Variants in MTBP observed in about 807,000 individuals in gnomAD.
MTBP encodes the protein MDM2 binding protein, also known as mdm2-binding protein.
A neutral mutation model predicts 117.0 loss-of-function variants in MTBP; 101 were observed. The observed-to-expected ratio is 0.86, with a 90% confidence interval of 0.73 to 1.02. MTBP has a LOEUF of 1.02. Ranked by LOEUF, MTBP falls within the 50% of genes least tolerant of loss-of-function variation. MTBP has a pLI of 0.00. For missense variants in MTBP, 970 were observed against 1,030.9 expected (o/e 0.94, Z 0.81); for synonymous variants, 350 against 351.5 (o/e 1.00, Z 0.05).
At chr8:120,512,370 C>T (rs1814830704) in intron 17 of MTBP, among the ~76,000 whole-genome samples, 1 of 152,004 alleles carries the variant, frequency 6.6e-6, no homozygotes. Context: ...ATCATATAAT[C>T]TTATTTAGAT....
intron 10 of MTBP, among the ~76,000 whole-genome samples, chr8:120,469,503 C>T (rs1282386095): frequency 6.6e-6 from 1 of 152,204 alleles, no homozygotes; most frequent in Non-Finnish European, 1.5e-5. Context: ...CTATACCACT[C>T]ATCTTCAAGG....
intron 4 of MTBP, among the ~76,000 whole-genome samples, chr8:120,453,188 T>A (rs1813394682): frequency 6.6e-6 from 1 of 152,054 alleles, no homozygotes. Flanking sequence ...CAGTGGCTCA[T>A]GCCTGTAATG....
At chr8:120,461,834 A>G (rs183283353) in intron 9 of MTBP, among the ~76,000 whole-genome samples, 1 of 152,300 alleles carries the variant, frequency 6.6e-6, no homozygotes, top group Admixed American at 6.5e-5. Context: ...TTTCTGCTGA[A>G]GAAGTCTGTA....
chr8:120,497,388 T>C lies in MTBP; in HGVS notation c.1448-5T>C, dbSNP rs369490214. 6.2e-7 allele frequency: 1 copy of C among 1,601,712 alleles called. No individual in the cohort carries two copies. Among genetic ancestry groups the C allele is most frequent in the African/African-American group, 1.3e-5 (1 of 74,308 alleles). ...ATAAGTCAATTGTATTGATTTGTCTTATAGAAAGACGAAAGTTGGCAAAGC... is the reference window on the plus strand; with the variant it reads ...ATAAGTCAATTGTATTGATTTGTCTCATAGAAAGACGAAAGTTGGCAAAGC... On this transcript the variant is annotated splice_polypyrimidine_tract_variant and splice_region_variant and intron_variant, in intron 13 of 21. Coordinates refer to ENST00000305949, the MANE Select transcript of MTBP (RefSeq NM_022045.5).
chr8:120,504,801 C>A (rs563871945), intron 15 of MTBP, among the ~76,000 whole-genome samples: 2 of 150,822 alleles, frequency 1.3e-5, no homozygotes, highest in Non-Finnish European at 3.0e-5. Flanking sequence ...TCTTAATATT[C>A]TATCTCTAAC....
At chr8:120,497,789 GT>G (rs1267439677) in intron 14 of MTBP, among the ~76,000 whole-genome samples, 2 of 152,102 alleles carry the variant, frequency 1.3e-5, no homozygotes, top group African/African-American at 4.8e-5. Context: ...CAGTGTAATT[GT>G]TTTTGGGCAG....
chr8:120,498,258 T>C (rs1814510021), intron 14 of MTBP, among the ~76,000 whole-genome samples: 1 of 152,200 alleles, frequency 6.6e-6, no homozygotes, highest in African/African-American at 2.4e-5. Context: ...TAGGTTATTG[T>C]GAGGATTGAA....
chr8:120,477,577 C>T (rs1372927780), intron 11 of MTBP, among the ~76,000 whole-genome samples: 1 of 152,114 alleles, frequency 6.6e-6, no homozygotes, highest in Non-Finnish European at 1.5e-5. Flanking sequence ...ACAACCCCAT[C>T]AAAAACTGGG....
At chr8:120,478,412 A>AG (rs1181637245) in intron 11 of MTBP, among the ~76,000 whole-genome samples, 1 of 152,164 alleles carries the variant, frequency 6.6e-6, no homozygotes, top group Non-Finnish European at 1.5e-5. Flanking sequence ...AGAAAAAAAA[A>AG]AACTTGGTCT....
intron 11 of MTBP, among the ~76,000 whole-genome samples, chr8:120,476,553 C>G (rs1308255784): frequency 1.3e-5 from 2 of 152,102 alleles, no homozygotes; most frequent in African/African-American, 4.8e-5. Context: ...ACAACTTCAG[C>G]AAAGTCTCAA....
Position 120,461,206 on chromosome 8 carries a change from A to AAATTATC in MTBP, c.930_936dup (p.Asp313IlefsTer13). ...TGCTTTAGAATTTGTGCAGATGATA[A>AAATTATC]AATTATCAGATCTACCCTCCTGCTA... On this transcript the variant is annotated frameshift_variant, in exon 9 of 22. Coordinates refer to ENST00000305949, the MANE Select transcript of MTBP (RefSeq NM_022045.5). LOFTEE classifies it high-confidence loss of function. The AAATTATC allele has an allele frequency of 6.2e-7, 1 of 1,606,136 alleles. No individual in the cohort carries two copies. Among genetic ancestry groups the AAATTATC allele is most frequent in the East Asian group, 2.2e-5 (1 of 44,708 alleles).
intron 10 of MTBP, among the ~76,000 whole-genome samples, chr8:120,464,806 ATTTATCT>A (rs1221633119): frequency 6.6e-6 from 1 of 152,064 alleles, no homozygotes; most frequent in African/African-American, 2.4e-5. Context: ...AAATTTTAAA[ATTTATCT>A]TTTATCATTT....
chr8:120,461,626 C>T (rs547977605), intron 9 of MTBP, among the ~76,000 whole-genome samples: 1 of 152,270 alleles, frequency 6.6e-6, no homozygotes, highest in East Asian at 1.9e-4. Context: ...CAGGACTGAT[C>T]TACTCTCACA....
intron 21 of MTBP, 68 bp from the exon 22 acceptor site, chr8:120,523,230 C>A: frequency 9.5e-7 from 1 of 1,049,420 alleles, no homozygotes; most frequent in Non-Finnish European, 1.4e-6. Context: ...GAAGTTTTTA[C>A]AATATATTTT....
intron 7 of MTBP, among the ~76,000 whole-genome samples, chr8:120,458,288 G>A (rs1158983574): frequency 1.3e-5 from 2 of 152,070 alleles, no homozygotes; most frequent in Non-Finnish European, 2.9e-5. Context: ...AGCATGTTGT[G>A]CAACACTTAG....
intron 7 of MTBP, among the ~76,000 whole-genome samples, chr8:120,458,184 T>A (rs922845529): frequency 1.3e-5 from 2 of 152,178 alleles, no homozygotes; most frequent in Non-Finnish European, 2.9e-5. Flanking sequence ...AACAGCTTTT[T>A]AGTCAAGAGG....
At chr8:120,463,836 A>T in intron 10 of MTBP, 75 bp downstream of exon 10, 1 of 1,343,984 alleles carries the variant, frequency 7.4e-7, no homozygotes, top group Non-Finnish European at 1.0e-6. Context: ...AAGAAAAGGG[A>T]ATGTAACTTA....
intron 2 of MTBP, 107 bp downstream of exon 2, chr8:120,446,620 C>G: frequency 1.4e-6 from 1 of 714,238 alleles, no homozygotes; most frequent in African/African-American, 1.7e-5. Context: ...TGACTGTGTA[C>G]AAGGCACTGA....
chr8:120,476,952 T>A (rs1037695422), intron 11 of MTBP, among the ~76,000 whole-genome samples: 7 of 152,216 alleles, frequency 4.6e-5, no homozygotes, highest in African/African-American at 1.7e-4. Context: ...AAGACAATCC[T>A]AAGCAAAAAG....
Sources: gnomAD v4.1 joint callset for allele counts (sites outside exome capture counted in the v4.1 genomes callset) on GRCh38, gnomAD v4.1.1 for gene constraint, MANE v1.5 for transcripts, NCBI Gene and HGNC (gene_info 2026-07-23, HGNC 2026-07-21) for gene names.